The following SHANK2 variants were observed in gnomAD, a reference collection of about 807,000 sequenced individuals.
SHANK2 encodes the protein SH3 and multiple ankyrin repeat domains protein 2.
In SHANK2, 43 loss-of-function variants were observed where a neutral mutation model predicts 133.7. The observed-to-expected ratio is 0.32, with a 90% CI of 0.25 to 0.41. The LOEUF (loss-of-function observed/expected upper bound fraction) is 0.41. Among genes scored for constraint, SHANK2 ranks in the 10% least tolerant of loss-of-function variants. The probability of loss-of-function intolerance (pLI) is 1.00; values close to 1 mark genes in which losing one functional copy is unlikely to be tolerated. For missense variants in SHANK2, 1,994 were observed against 2,235.8 expected (o/e 0.89, Z 2.18); for synonymous variants, 1,017 against 952.8 (o/e 1.07, Z -1.24).
At chr11:70,938,058 C>G (rs1194852108) in intron 10 of SHANK2, among the ~76,000 whole-genome samples, 2 of 152,160 alleles carry the variant, frequency 1.3e-5, no homozygotes, top group Non-Finnish European at 2.9e-5. Flanking sequence ...TTCTGCCTCC[C>G]TAGGAGCAGA....
Position 70,539,039 on chromosome 11 carries a change from T to C in SHANK2, c.2062-36108A>G, listed in dbSNP as rs573234605. Among the ~76,000 whole-genome samples the C allele has an allele frequency of 1.1e-4, 17 of 152,354 alleles. No individual in the cohort carries two copies. The South Asian group carries it at 2.7e-3, about 24-fold the overall frequency. ...TACTCTGCCTCTCGCTCGGGGCCGATGTACGGGTTTACTTTTACCTTATGC... is the reference window on the plus strand; with the variant it reads ...TACTCTGCCTCTCGCTCGGGGCCGACGTACGGGTTTACTTTTACCTTATGC... On this transcript the variant is annotated intron_variant, in intron 17 of 25. Transcript: ENST00000601538.
chr11:70,810,544 C>T (rs946351313), intron 12 of SHANK2, among the ~76,000 whole-genome samples: 7 of 152,242 alleles, frequency 4.6e-5, no homozygotes, highest in African/African-American at 1.7e-4. Flanking sequence ...AATGCACCTG[C>T]CCACATCTGC....
At chr11:70,607,145 C>T (rs1269144492) in intron 17 of SHANK2, among the ~76,000 whole-genome samples, 1 of 152,220 alleles carries the variant, frequency 6.6e-6, no homozygotes, top group East Asian at 1.9e-4. Flanking sequence ...ATCCGCCTTC[C>T]TCCCCGGGCA....
chr11:71,107,738 T>G (rs1188556447), intron 6 of SHANK2, among the ~76,000 whole-genome samples: 1 of 152,180 alleles, frequency 6.6e-6, no homozygotes, highest in Admixed American at 6.5e-5. Flanking sequence ...TCTGCACTGA[T>G]GTGTTTTTAG....
intron 11 of SHANK2, among the ~76,000 whole-genome samples, chr11:70,839,362 C>T (rs1268207841): frequency 6.6e-6 from 1 of 152,208 alleles, no homozygotes; most frequent in Non-Finnish European, 1.5e-5. Context: ...GCCCTCCCCA[C>T]CCCACTCCAC....
rs1467823301 is a variant in SHANK2, at chr11:70,755,129, T to C, written c.1777+43314A>G. On this transcript the variant is annotated intron_variant, in intron 14 of 25. Transcript: ENST00000601538. Reference sequence around the variant, plus strand: ...CTCTGTTGCCCAGGCTGGAGTGCAGTGGCGTGACCTCGGCTCACTGCAACC... The same window carrying C: ...CTCTGTTGCCCAGGCTGGAGTGCAGCGGCGTGACCTCGGCTCACTGCAACC... Among the ~76,000 whole-genome samples, 9 of 152,022 alleles carry C rather than the reference T, an allele frequency of 5.9e-5. No homozygotes were observed. In the South Asian group the frequency reaches 1.9e-3, roughly 32 times the overall value.
chr11:70,932,387 G>T (rs1950515510), intron 10 of SHANK2, among the ~76,000 whole-genome samples: 1 of 152,238 alleles, frequency 6.6e-6, no homozygotes, highest in Admixed American at 6.5e-5. Context: ...GACCCCCTCC[G>T]CAGCAGAAGC....
chr11:71,084,944 T>C (rs892814388), intron 8 of SHANK2, among the ~76,000 whole-genome samples: 10 of 152,222 alleles, frequency 6.6e-5, no homozygotes, highest in Admixed American at 5.9e-4. Flanking sequence ...TGCCCCCAAA[T>C]TGCTACGGGT....
At chr11:70,531,562 T>C (rs2059471355) in intron 17 of SHANK2, among the ~76,000 whole-genome samples, 1 of 152,206 alleles carries the variant, frequency 6.6e-6, no homozygotes, top group South Asian at 2.1e-4. Flanking sequence ...GACTGTGGCA[T>C]GCAGCAGGGC....
At position 70,485,288 on chromosome 11, in the gene SHANK2, T is replaced by C; in HGVS notation, c.4979+26A>G. Reference sequence around the variant, plus strand: ...CAGGGACAGTGCACGCAGAGCGGTGTGCATGTGCACCAACCGCGGACTTAC... The same window carrying C: ...CAGGGACAGTGCACGCAGAGCGGTGCGCATGTGCACCAACCGCGGACTTAC... On this transcript the variant is annotated intron_variant, in intron 25 of 25. Transcript: ENST00000601538. The surrounding 1 kb of genome is among the most constrained non-coding windows in gnomAD (Gnocchi z 5.8). 3 of 1,591,102 alleles carry C rather than the reference T, an allele frequency of 1.9e-6. No individual in the cohort carries two copies. Among genetic ancestry groups the C allele is most frequent in the Non-Finnish European group, 2.6e-6 (3 of 1,160,640 alleles).
At chr11:70,914,875 T>C (rs184616916) in intron 10 of SHANK2, among the ~76,000 whole-genome samples, 1 of 148,550 alleles carries the variant, frequency 6.7e-6, no homozygotes, top group East Asian at 2.0e-4. Context: ...CTCCAGTCTG[T>C]TGACAAAGCG....
chr11:70,552,077 GT>G (rs1256491872), intron 17 of SHANK2, among the ~76,000 whole-genome samples: 1 of 152,238 alleles, frequency 6.6e-6, no homozygotes, highest in African/African-American at 2.4e-5. Flanking sequence ...CCAAGACCAC[GT>G]TTACCAGTGA....
chr11:70,829,437 G>A (rs1052622212), intron 11 of SHANK2, among the ~76,000 whole-genome samples: 1 of 152,138 alleles, frequency 6.6e-6, no homozygotes, highest in Admixed American at 6.5e-5. Flanking sequence ...AAGGGAAGGA[G>A]CCTTCCCAAG....
chr11:70,753,123 AAAAC>A (rs1224318577), intron 14 of SHANK2, among the ~76,000 whole-genome samples: 6 of 151,988 alleles, frequency 3.9e-5, no homozygotes, highest in Non-Finnish European at 8.8e-5. Flanking sequence ...AAAACAAAAC[AAAAC>A]AAACAAACAA....
rs1555106875 is a variant in SHANK2 at position 71,147,186 on chromosome 11, G to A, written c.141C>T (p.Ala47=). The A allele has an allele frequency of 6.4e-7, 1 of 1,550,718 alleles. No homozygotes were observed. The highest frequency in any genetic ancestry group is 2.0e-5 in the Admixed American group (1 of 51,000). Residue 47 remains alanine (A), a synonymous_variant, in exon 3 of 26, where the codon GCC becomes GCT. Transcript: ENST00000601538. The part of the protein sequence containing the change: ...IRATAEKPGG[A]RTEESQGNTL... ...TGTTGCCCTGGCTCTCCTCCGTCCT[G>A]GCACCGCCCGGCTTCTCCGCAGTGG...
intron 9 of SHANK2, among the ~76,000 whole-genome samples, chr11:71,057,704 C>T (rs1438438258): frequency 2.1e-4 from 32 of 151,618 alleles, no homozygotes; most frequent in African/African-American, 7.6e-4. Context: ...GCATGTGCCA[C>T]CATGCCCAGC....
chr11:71,175,556 GAGAGAGAGAGAGA>G lies in SHANK2; in HGVS notation c.-12-28231_-12-28219del, dbSNP rs1953420910. On this transcript the variant is annotated intron_variant, in intron 2 of 25. Coordinates refer to ENST00000601538, the MANE Select transcript of SHANK2 (RefSeq NM_012309.5). The surrounding 1 kb of genome is among the most constrained non-coding windows in gnomAD (Gnocchi z 4.2). The stretch of plus-strand genomic sequence containing the variant: ...AGACAGAGGGAGAGGGAGAGGGAGA[GAGAGAGAGAGAGA>G]GAGAGAGAGAGAGAGAGAGAGAGAG... Among the ~76,000 whole-genome samples the G allele has an allele frequency of 4.8e-4, 28 of 58,584 alleles. No homozygotes were observed. Among genetic ancestry groups the G allele is most frequent in the South Asian group, 1.8e-3 (3 of 1,686 alleles). 38.4% of individuals were successfully genotyped at this position (58,584 alleles called of 152,430 possible).
At chr11:70,734,823 G>A (rs985622946) in intron 14 of SHANK2, among the ~76,000 whole-genome samples, 9 of 152,224 alleles carry the variant, frequency 5.9e-5, no homozygotes, top group Admixed American at 2.0e-4. Flanking sequence ...CCTGAGCGAT[G>A]AGGACCCTTG....
intron 17 of SHANK2, among the ~76,000 whole-genome samples, chr11:70,609,258 G>A (rs550291145): frequency 5.9e-5 from 9 of 152,222 alleles, no homozygotes; most frequent in South Asian, 2.1e-4. Context: ...TAGGTCTGAC[G>A]GCAGATGGTT....
Sources: allele counts gnomAD v4.1 joint callset (sites outside exome capture counted in the v4.1 genomes callset), GRCh38; gene constraint gnomAD v4.1.1; non-coding constraint Gnocchi (gnomAD v3.1); transcripts MANE v1.5; gene names NCBI Gene and HGNC (gene_info 2026-07-23, HGNC 2026-07-21).